The following RNGTT variants were observed in gnomAD, a reference collection of about 807,000 sequenced individuals.
RNGTT encodes the protein RNA guanylyltransferase and 5'-phosphatase, also known as mRNA-capping enzyme.
RNGTT carries 33 observed loss-of-function variants against 79.3 expected under a neutral mutation model. The observed-to-expected ratio is 0.42, with a 90% CI of 0.32 to 0.56. The LOEUF is 0.56. RNGTT is among the 20% of genes least tolerant of loss of function. RNGTT has a pLI of 0.17. For synonymous variants in RNGTT, 222 were observed against 235.9 expected, an observed-to-expected ratio of 0.94 and a Z score of 0.54; for missense variants, 497 against 739.1, an observed-to-expected ratio of 0.67 and a Z score of 3.80.
intron 13 of RNGTT, among the ~76,000 whole-genome samples, chr6:88,761,889 G>A (rs1199340698): frequency 1.3e-5 from 2 of 152,162 alleles, no homozygotes; most frequent in Non-Finnish European, 2.9e-5. Flanking sequence ...GGTAATCCCC[G>A]ATGGGTAATC....
At chr6:88,745,760 A>AT (rs1232996640) in intron 13 of RNGTT, among the ~76,000 whole-genome samples, 1 of 151,200 alleles carries the variant, frequency 6.6e-6, no homozygotes, top group African/African-American at 2.5e-5. Context: ...TATGTGTCGT[A>AT]TTAAAAAAAA....
intron 4 of RNGTT, among the ~76,000 whole-genome samples, chr6:88,920,138 A>G (rs1458189695): frequency 2.0e-5 from 3 of 152,086 alleles, no homozygotes; most frequent in Admixed American, 2.0e-4. Context: ...ATTATTTAAT[A>G]TAATACAATA....
chr6:88,941,211 T>C lies in RNGTT; in HGVS notation c.65-31A>G, dbSNP rs753094187. 4.6e-6 allele frequency: 6 copies of C among 1,301,532 alleles called. No homozygotes were observed. The Admixed American group carries it at 8.1e-5, about 17-fold the overall frequency. 80.6% of individuals were successfully genotyped at this position (1,301,532 alleles called of 1,614,324 possible). ...CAACACAGATAGGTAATCATTTCCA[T>C]AAAAGGAAATGTTTCAGATTAAAAT... is the stretch of plus-strand genomic sequence containing the variant. On this transcript the variant is annotated intron_variant, in intron 1 of 15. Coordinates refer to ENST00000369485, the MANE Select transcript of RNGTT (RefSeq NM_003800.5).
chr6:88,646,340 A>G (rs1773558008), intron 14 of RNGTT, among the ~76,000 whole-genome samples: 1 of 152,330 alleles, frequency 6.6e-6, no homozygotes, highest in African/African-American at 2.4e-5. Context: ...AAGTCAGGAA[A>G]CAATAGGTGC....
At chr6:88,922,589 G>A (rs1420567089) in intron 4 of RNGTT, among the ~76,000 whole-genome samples, 4 of 151,846 alleles carry the variant, frequency 2.6e-5, no homozygotes, top group East Asian at 1.9e-4. Flanking sequence ...GTGCAGTGGC[G>A]CAATCTCGGC....
intron 10 of RNGTT, among the ~76,000 whole-genome samples, chr6:88,847,887 A>G (rs1781536254): frequency 6.6e-6 from 1 of 151,944 alleles, no homozygotes; most frequent in Non-Finnish European, 1.5e-5. Context: ...ATTAAGAAGA[A>G]AAAAAAGAGA....
chr6:88,835,975 A>ACACACACACAC (rs1781054402), intron 11 of RNGTT, among the ~76,000 whole-genome samples: 2 of 113,764 alleles, frequency 1.8e-5, no homozygotes, highest in African/African-American at 6.9e-5. Flanking sequence ...CTCTATTAAA[A>ACACACACACAC]ACACACACAC....
intron 14 of RNGTT, among the ~76,000 whole-genome samples, chr6:88,671,686 A>G (rs1477005665): frequency 3.3e-5 from 5 of 152,220 alleles, no homozygotes; most frequent in Admixed American, 2.6e-4. Flanking sequence ...GAGGCATCAC[A>G]TTACCCAACG....
chr6:88,893,113 A>G (rs1783107822), intron 6 of RNGTT, among the ~76,000 whole-genome samples: 1 of 152,118 alleles, frequency 6.6e-6, no homozygotes, highest in South Asian at 2.1e-4. Flanking sequence ...ATTAAGTACA[A>G]CAGCTAAAGG....
At chr6:88,621,567 A>G (rs375577844) in intron 14 of RNGTT, among the ~76,000 whole-genome samples, 1 of 151,938 alleles carries the variant, frequency 6.6e-6, no homozygotes. Context: ...TGACACAAGA[A>G]TGAATATCAT....
intron 12 of RNGTT, among the ~76,000 whole-genome samples, chr6:88,780,421 T>G (rs1779024088): frequency 6.6e-6 from 1 of 152,168 alleles, no homozygotes; most frequent in African/African-American, 2.4e-5. Context: ...AAATAAATAT[T>G]TATGATTTAT....
chr6:88,956,919 G>C (rs1785451549), intron 1 of RNGTT, among the ~76,000 whole-genome samples: 1 of 152,128 alleles, frequency 6.6e-6, no homozygotes, highest in Non-Finnish European at 1.5e-5. Flanking sequence ...GGTAGTCCCA[G>C]CTACTCAGGA....
At chr6:88,733,988 G>A (rs753625413) in intron 13 of RNGTT, among the ~76,000 whole-genome samples, 3 of 152,030 alleles carry the variant, frequency 2.0e-5, no homozygotes, top group Non-Finnish European at 4.4e-5. Context: ...ATACAGGTCA[G>A]AAACTCAAAT....
At chr6:88,883,896 C>A (rs1782774259) in intron 8 of RNGTT, among the ~76,000 whole-genome samples, 1 of 151,598 alleles carries the variant, frequency 6.6e-6, no homozygotes, top group Admixed American at 6.6e-5. Context: ...ATAAGTATAG[C>A]CCTTAAACAT....
chr6:88,827,621 C>G (rs958963297), intron 11 of RNGTT, among the ~76,000 whole-genome samples: 7 of 152,190 alleles, frequency 4.6e-5, no homozygotes, highest in Admixed American at 3.3e-4. Flanking sequence ...CCATGGAGCC[C>G]AGCAAACTAA....
At chr6:88,885,814 ACAT>A (rs2127931133) in intron 8 of RNGTT, among the ~76,000 whole-genome samples, 1 of 152,360 alleles carries the variant, frequency 6.6e-6, no homozygotes, top group Non-Finnish European at 1.5e-5. Context: ...ATCAAAGTTA[ACAT>A]CATCACTAAT....
At chr6:88,645,418 G>C (rs1290291635) in intron 14 of RNGTT, among the ~76,000 whole-genome samples, 2 of 152,132 alleles carry the variant, frequency 1.3e-5, no homozygotes, top group African/African-American at 4.8e-5. Context: ...CGTGAAAATG[G>C]CCATACTGCC....
chr6:88,698,221 T>TGA (rs1562202104), intron 13 of RNGTT, among the ~76,000 whole-genome samples: 1 of 78,552 alleles, frequency 1.3e-5, no homozygotes, highest in Non-Finnish European at 2.1e-5. Flanking sequence ...AATATATATA[T>TGA]CATATATATA....
intron 11 of RNGTT, among the ~76,000 whole-genome samples, chr6:88,811,050 C>T (rs1162872384): frequency 2.0e-5 from 3 of 152,244 alleles, no homozygotes; most frequent in East Asian, 3.9e-4. Flanking sequence ...TCTTCAGAAA[C>T]GTGGTTCTAC....
Sources: gnomAD v4.1 joint callset for allele counts (sites outside exome capture counted in the v4.1 genomes callset) on GRCh38, gnomAD v4.1.1 for gene constraint, MANE v1.5 for transcripts, NCBI Gene and HGNC (gene_info 2026-07-23, HGNC 2026-07-21) for gene names.